Variants in ZNF275 observed in about 807,000 individuals in gnomAD.
ZNF275 encodes zinc finger protein 275.
A neutral mutation model predicts 4.3 loss-of-function variants in ZNF275; 4 were observed. That is an observed-to-expected ratio of 0.93 (90% CI 0.46 to 2.13). The LOEUF is 2.13. Ranked by LOEUF, ZNF275 falls within the 30% of genes most tolerant of loss-of-function variation. ZNF275 has a pLI of 0.02. For missense variants in ZNF275, 352 were observed against 397.1 expected, an observed-to-expected ratio of 0.89 and a Z score of 0.97; for synonymous variants, 173 against 166.9, an observed-to-expected ratio of 1.04 and a Z score of -0.28.
intron 1 of ZNF275, among the ~76,000 whole-genome samples, chrX:153,335,051 GC>G (rs782016153): frequency 4.7e-3 from 501 of 106,759 alleles, no homozygotes; most frequent in Non-Finnish European, 8.1e-3. Flanking sequence ...CAGTGCCCCC[GC>G]CCCCTTAAAC....
intron 2 of ZNF275, among the ~76,000 whole-genome samples, chrX:153,344,037 C>A: frequency 8.9e-6 from 1 of 112,357 alleles, no homozygotes; most frequent in East Asian, 2.8e-4. Flanking sequence ...AGATCAGAAA[C>A]CAAGGAAGAA....
At chrX:153,346,417 C>T (rs1181986666) in intron 3 of ZNF275, among the ~76,000 whole-genome samples, 9 of 109,246 alleles carry the variant, frequency 8.2e-5, no homozygotes, top group Non-Finnish European at 1.3e-4. Context: ...CCCAGCTGAG[C>T]TTTTGGAGTT....
chrX:153,346,879 C>T lies in ZNF275; in HGVS notation c.194C>T (p.Ala65Val). The change falls in exon 4 of 4, where the codon GCG (alanine) becomes GTG (valine). Residue 65 changes from alanine (A) to valine (V), a missense_variant. Ala to Val is a moderately conservative substitution (Grantham distance 64). Transcript: ENST00000650114. ...GAAGATGCCCAGCCACAGGAGATGG[C>T]GTCCACAAGCTTCCCAAGGGCCAGT... is the stretch of plus-strand genomic sequence containing the variant. ...KGEDAQPQEM[A>V]STSFPRASGP... 4.1e-6 allele frequency: 5 copies of T among 1,207,001 alleles called. No homozygotes were observed. The highest frequency in any genetic ancestry group is 1.8e-5 in the South Asian group (1 of 56,401).
chrX:153,339,420 T>C (rs1379755878), intron 2 of ZNF275, among the ~76,000 whole-genome samples: 1 of 111,639 alleles, frequency 9.0e-6, no homozygotes, highest in Non-Finnish European at 1.9e-5. Flanking sequence ...ACACCTGTAG[T>C]CTCAGCATTC....
Position 153,347,097 on chromosome X carries a change from T to C in ZNF275, c.412T>C (p.Phe138Leu). 8.3e-7 allele frequency: 1 copy of C among 1,210,959 alleles called. No homozygotes were observed. Among genetic ancestry groups the C allele is most frequent in the Non-Finnish European group, 1.1e-6 (1 of 895,201 alleles). ...GGAATGTGGCGACTGCGGGAAGGTC[T>C]TTAGGGGGGTGGCGGAGTTTAATGA... is the stretch of plus-strand genomic sequence containing the variant. ...GWECGDCGKV[F>L]RGVAEFNEHR... The change falls in exon 4 of 4, where the codon TTT (phenylalanine) becomes CTT (leucine). Residue 138 changes from phenylalanine (F) to leucine (L), a missense_variant. Coordinates refer to ENST00000650114, the MANE Select transcript of ZNF275 (RefSeq NM_001367757.1).
chrX:153,338,423 G>A (rs928094748), intron 2 of ZNF275, among the ~76,000 whole-genome samples: 1 of 110,342 alleles, frequency 9.1e-6, no homozygotes, highest in African/African-American at 3.3e-5. Flanking sequence ...TGGTGATCAC[G>A]CAGCCACTGA....
At chrX:153,334,919 T>G (rs2088435430) in intron 1 of ZNF275, among the ~76,000 whole-genome samples, 1 of 104,812 alleles carries the variant, frequency 9.5e-6, no homozygotes, top group African/African-American at 3.5e-5. Flanking sequence ...TGGGGGCCGG[T>G]AGGTAGCCTA....
In ZNF275 at chrX:153,337,791, G is replaced by A. The variant is rs144379261; in HGVS notation, c.31+1081G>A. On this transcript the variant is annotated intron_variant, in intron 2 of 3. Coordinates refer to ENST00000650114, the MANE Select transcript of ZNF275 (RefSeq NM_001367757.1). ...GCTTTCTGGGAGTTTATAGTCTTTAGACTATCTTCAGATCCCATTGAAAGA... is the reference window on the plus strand; with the variant it reads ...GCTTTCTGGGAGTTTATAGTCTTTAAACTATCTTCAGATCCCATTGAAAGA... Among the ~76,000 whole-genome samples the A allele has an allele frequency of 8.1e-3, 909 of 111,953 alleles. 11 individuals are homozygous for A. Among genetic ancestry groups the A allele is most frequent in the African/African-American group, 0.028 (856 of 30,684 alleles).
rs782358183 is a variant in ZNF275, at chrX:153,346,973, C to T, written c.288C>T (p.Pro96=). The T allele has an allele frequency of 1.7e-6, 2 of 1,211,311 alleles. No homozygotes were observed. Among genetic ancestry groups the T allele is most frequent in the South Asian group, 1.8e-5 (1 of 56,985 alleles). ...AGAGAGGGAGCCCACAGAATCTGCCCATAGAACATCATTTTGCTTGTAAAG... is the reference window on the plus strand; with the variant it reads ...AGAGAGGGAGCCCACAGAATCTGCCTATAGAACATCATTTTGCTTGTAAAG... ...DGKRGSPQNL[P]IEHHFACKEC... The change falls in exon 4 of 4, where the codon CCC becomes CCT. Residue 96 remains proline, a synonymous_variant. Transcript: ENST00000650114.
chrX:153,351,728 C>G lies in ZNF275; in HGVS notation c.*3753C>G, dbSNP rs1556962380. ...TGCTGCTTATTACGATGAGCTGTGT[C>G]CATTAGCTGTGTCACCCCACTCTTG... On this transcript the variant is annotated 3_prime_UTR_variant, in exon 4 of 4. Coordinates refer to ENST00000650114, the MANE Select transcript of ZNF275 (RefSeq NM_001367757.1). The G allele has an allele frequency of 8.9e-6, 1 of 112,039 alleles. No individual in the cohort carries two copies. The highest frequency in any genetic ancestry group is 1.9e-5 in the Non-Finnish European group (1 of 53,241). The allele number at this position is 112,039 out of a possible 1,213,427, so 9.2% of individuals were successfully genotyped here.
intron 1 of ZNF275, among the ~76,000 whole-genome samples, chrX:153,335,926 T>C (rs2088443041): frequency 8.9e-6 from 1 of 111,818 alleles, no homozygotes; most frequent in South Asian, 3.8e-4. Context: ...CCTGGGCTCC[T>C]TGGATGGCCC....
intron 2 of ZNF275, among the ~76,000 whole-genome samples, chrX:153,342,670 T>C (rs1389425981): frequency 8.9e-6 from 1 of 111,915 alleles, no homozygotes; most frequent in Non-Finnish European, 1.9e-5. Context: ...CACAGAGGAC[T>C]CTCTATACTG....
chrX:153,348,199 G>T lies in ZNF275; in HGVS notation c.*224G>T. On this transcript the variant is annotated 3_prime_UTR_variant, in exon 4 of 4. Transcript: ENST00000650114. Reference sequence around the variant, plus strand: ...TTTAACTGGTAGGAAGTACCATCAAGGTATTTCAGTCCACATGCCTTGAAT... The same window carrying T: ...TTTAACTGGTAGGAAGTACCATCAATGTATTTCAGTCCACATGCCTTGAAT... 4.8e-6 allele frequency: 1 copy of T among 207,434 alleles called. No individual in the cohort carries two copies. The highest frequency in any genetic ancestry group is 9.1e-6 in the Non-Finnish European group (1 of 110,237). 17.1% of individuals were successfully genotyped at this position (207,434 alleles called of 1,213,427 possible). A position where few individuals can be genotyped will look rare whatever the true frequency, so the allele number is the denominator to read the frequency against.
At chrX:153,336,372 G>A (rs1455600036) in intron 1 of ZNF275, among the ~76,000 whole-genome samples, 1 of 112,934 alleles carries the variant, frequency 8.9e-6, no homozygotes, top group Non-Finnish European at 1.9e-5. Flanking sequence ...GACGGGACGG[G>A]ATGGGCCCAC....
intron 2 of ZNF275, 88 bp from the exon 3 acceptor site, chrX:153,345,432 T>C: frequency 1.5e-6 from 1 of 650,357 alleles, no homozygotes; most frequent in Non-Finnish European, 2.4e-6. Context: ...TGAAGGGGGT[T>C]CCCCTTCAAA....
chrX:153,345,140 GGGA>G lies in ZNF275; in HGVS notation c.32-374_32-372del, dbSNP rs1387745573. On this transcript the variant is annotated intron_variant, in intron 2 of 3. Coordinates refer to ENST00000650114, the MANE Select transcript of ZNF275 (RefSeq NM_001367757.1). ...ATTAGGGGTCTGCATGTGTGCAGTG[GGGA>G]GGAGGTTTTAGGAGGAGAGACGTTG... 4 of 194,963 alleles carry G rather than the reference GGGA, an allele frequency of 2.1e-5. No individual in the cohort carries two copies. The East Asian group carries it at 4.9e-4, about 24-fold the overall frequency. 16.1% of individuals were successfully genotyped at this position (194,963 alleles called of 1,213,427 possible). A position where few individuals can be genotyped will look rare whatever the true frequency, so the allele number is the denominator to read the frequency against.
At chrX:153,344,367 C>T (rs781985777) in intron 2 of ZNF275, 18 of 257,039 alleles carry the variant, frequency 7.0e-5, no homozygotes, top group African/African-American at 1.4e-4. Context: ...CTGGAGGCTG[C>T]CAAGGATTGG....
At chrX:153,334,546 C>T (rs1162455731) in intron 1 of ZNF275, among the ~76,000 whole-genome samples, 3 of 110,812 alleles carry the variant, frequency 2.7e-5, no homozygotes, top group African/African-American at 3.3e-5. Flanking sequence ...GAACGGGTCC[C>T]GGATGACGAG....
Position 153,346,907 on chromosome X carries a change from T to C in ZNF275, c.222T>C (p.Gly74=). Residue 74 remains glycine, a synonymous_variant, in exon 4 of 4, where the codon GGT becomes GGC. Coordinates refer to ENST00000650114, the MANE Select transcript of ZNF275 (RefSeq NM_001367757.1). The part of the protein sequence containing the change: ...MASTSFPRAS[G]PSPEFRQHGD... The stretch of plus-strand genomic sequence containing the variant: ...CCACAAGCTTCCCAAGGGCCAGTGG[T>C]CCCAGTCCTGAATTCAGACAGCACG... 1 of 1,210,983 alleles carries C rather than the reference T, an allele frequency of 8.3e-7. No individual in the cohort carries two copies.
Sources: allele counts gnomAD v4.1 joint callset (sites outside exome capture counted in the v4.1 genomes callset), GRCh38; gene constraint gnomAD v4.1.1; transcripts MANE v1.5; gene names NCBI Gene and HGNC (gene_info 2026-07-23, HGNC 2026-07-21).